Variants in ADAMTS19 observed in about 807,000 individuals in gnomAD.
ADAMTS19 encodes the protein ADAM metallopeptidase with thrombospondin type 1 motif 19.
In ADAMTS19, 93 loss-of-function variants were observed where a neutral mutation model predicts 153.3. That is an observed-to-expected ratio of 0.61 (90% CI 0.51 to 0.72). ADAMTS19 has a LOEUF of 0.72. Ranked by LOEUF, ADAMTS19 falls within the 30% of genes least tolerant of loss-of-function variation. The pLI, the probability that ADAMTS19 is intolerant of heterozygous loss-of-function variation, is 0.00. For synonymous variants in ADAMTS19, 600 were observed against 556.6 expected (o/e 1.08, Z -1.10); for missense variants, 1,482 against 1,552.1 (o/e 0.95, Z 0.76).
At chr5:129,606,619 C>T (rs1038849541) in intron 8 of ADAMTS19, among the ~76,000 whole-genome samples, 1 of 152,182 alleles carries the variant, frequency 6.6e-6, no homozygotes, top group Admixed American at 6.5e-5. Context: ...TATTGCCTTT[C>T]ACAACTTAAT....
intron 10 of ADAMTS19, among the ~76,000 whole-genome samples, chr5:129,634,890 A>AG (rs1752465044): frequency 1.4e-5 from 2 of 145,074 alleles, no homozygotes; most frequent in African/African-American, 5.4e-5. Context: ...AAGCAAAATA[A>AG]AAGAGAGAGA....
intron 8 of ADAMTS19, among the ~76,000 whole-genome samples, chr5:129,612,603 A>T (rs1447856713): frequency 6.6e-6 from 1 of 152,306 alleles, no homozygotes; most frequent in Non-Finnish European, 1.5e-5. Context: ...TGTAAAGAAC[A>T]TCGATGCTAG....
intron 21 of ADAMTS19, among the ~76,000 whole-genome samples, chr5:129,713,821 GGGGTTCT>G (rs2067334): frequency 0.29 from 43,874 of 151,584 alleles, 6,389 homozygotes; most frequent in Middle Eastern, 0.39. Context: ...CCCTGAGCTG[GGGGTTCT>G]GGCCTTGAGA....
chr5:129,632,529 TAGG>T (rs1005966626), intron 10 of ADAMTS19, among the ~76,000 whole-genome samples: 7 of 152,068 alleles, frequency 4.6e-5, no homozygotes, highest in African/African-American at 1.4e-4. Flanking sequence ...TTCCTGAAGA[TAGG>T]AGTTTTCCTT....
intron 21 of ADAMTS19, among the ~76,000 whole-genome samples, chr5:129,707,981 A>G (rs567916162): frequency 1.3e-5 from 2 of 152,222 alleles, no homozygotes; most frequent in Non-Finnish European, 2.9e-5. Context: ...CAAAGGTAGT[A>G]TTGACTAAAT....
intron 14 of ADAMTS19, among the ~76,000 whole-genome samples, chr5:129,657,332 T>G (rs376140931): frequency 5.7e-4 from 87 of 152,330 alleles, no homozygotes; most frequent in African/African-American, 2.0e-3. Context: ...GATTCTGTTT[T>G]TGTTTCAGTT....
intron 5 of ADAMTS19, 149 bp downstream of exon 5, chr5:129,527,980 T>G (rs1047612900): frequency 2.1e-6 from 1 of 477,900 alleles, no homozygotes; most frequent in Non-Finnish European, 3.8e-6. Flanking sequence ...GCCTTTAGTT[T>G]TGGTTAATGC....
intron 8 of ADAMTS19, among the ~76,000 whole-genome samples, chr5:129,607,945 G>A (rs1750985696): frequency 6.8e-6 from 1 of 146,130 alleles, no homozygotes; most frequent in Non-Finnish European, 1.5e-5. Context: ...GTGTGTGTAT[G>A]CATATATATA....
chr5:129,552,027 A>G (rs1357210784), intron 7 of ADAMTS19, 120 bp downstream of exon 7: 2 of 606,874 alleles, frequency 3.3e-6, no homozygotes, highest in African/African-American at 3.9e-5. Flanking sequence ...TGTCAGACAT[A>G]CATATTTTCT....
Position 129,732,199 on chromosome 5 carries a change from G to A in ADAMTS19, c.3313-2733G>A, listed in dbSNP as rs543143516. ...AAAGTGCACTTGATTAATAAAAGCC[G>A]TATATGACATACCCACAGCCAACAT... is the stretch of plus-strand genomic sequence containing the variant. On this transcript the variant is annotated intron_variant, in intron 21 of 22. Transcript: ENST00000274487. Among the ~76,000 whole-genome samples the A allele has an allele frequency of 1.9e-3, 296 of 152,094 alleles. 2 individuals carry two copies. The highest frequency in any genetic ancestry group is 3.4e-3 in the Non-Finnish European group (232 of 67,964).
intron 13 of ADAMTS19, among the ~76,000 whole-genome samples, chr5:129,652,225 C>T (rs1338713284): frequency 2.0e-5 from 3 of 152,140 alleles, no homozygotes; most frequent in Non-Finnish European, 2.9e-5. Context: ...GTCTATATTT[C>T]AAATAAAATA....
Position 129,476,010 on chromosome 5 carries a change from C to A in ADAMTS19, c.747+14253C>A, listed in dbSNP as rs538981480. 2.4e-3 allele frequency among the ~76,000 whole-genome samples: 364 copies of A among 152,100 alleles called. 2 individuals carry two copies. The highest frequency in any genetic ancestry group is 8.6e-3 in the African/African-American group (356 of 41,504). On this transcript the variant is annotated intron_variant, in intron 2 of 22. Coordinates refer to ENST00000274487, the MANE Select transcript of ADAMTS19 (RefSeq NM_133638.6). ...GGAAGAGATTTTATCTTAAACAATGCAAAACCGATTATTTTTTTTTCTCTG... is the reference window on the plus strand; with the variant it reads ...GGAAGAGATTTTATCTTAAACAATGAAAAACCGATTATTTTTTTTTCTCTG...
At chr5:129,622,467 G>A (rs1374685191) in intron 10 of ADAMTS19, 119 bp downstream of exon 10, 16 of 1,133,490 alleles carry the variant, frequency 1.4e-5, no homozygotes, top group African/African-American at 4.8e-5. Context: ...TATAAAAGAA[G>A]GATTTTCTAA....
chr5:129,620,798 A>ATG, intron 9 of ADAMTS19, 40 bp downstream of exon 9: 1 of 1,595,724 alleles, frequency 6.3e-7, no homozygotes. Context: ...GTGAATGATT[A>ATG]TGTGTGCTGT....
intron 7 of ADAMTS19, among the ~76,000 whole-genome samples, chr5:129,589,636 G>C (rs1282585130): frequency 6.6e-6 from 1 of 152,020 alleles, no homozygotes; most frequent in Non-Finnish European, 1.5e-5. Flanking sequence ...TTTGGATTGT[G>C]GTGGCCCAGT....
In ADAMTS19 at chr5:129,474,502, T is replaced by C. The variant is rs114740019; in HGVS notation, c.747+12745T>C. Among the ~76,000 whole-genome samples the C allele has an allele frequency of 7.4e-3, 1,133 of 152,264 alleles. 18 individuals are homozygous for C. Among genetic ancestry groups the C allele is most frequent in the African/African-American group, 0.026 (1,071 of 41,552 alleles). On this transcript the variant is annotated intron_variant, in intron 2 of 22. Coordinates refer to ENST00000274487, the MANE Select transcript of ADAMTS19 (RefSeq NM_133638.6). ...AACTTTTTTTCAAATTACTATATCATTTTATATTCCCCCCCAGTAATGTAT... is the reference window on the plus strand; with the variant it reads ...AACTTTTTTTCAAATTACTATATCACTTTATATTCCCCCCCAGTAATGTAT...
chr5:129,551,634 TC>T (rs1753122583), intron 6 of ADAMTS19, among the ~76,000 whole-genome samples: 2 of 151,732 alleles, frequency 1.3e-5, no homozygotes, highest in South Asian at 4.1e-4. Context: ...ATATTGTCCA[TC>T]ATATGGGAAC....
intron 8 of ADAMTS19, among the ~76,000 whole-genome samples, chr5:129,602,639 A>G (rs564951964): frequency 2.6e-4 from 40 of 152,296 alleles, no homozygotes; most frequent in African/African-American, 9.1e-4. Flanking sequence ...TTCATTAAGT[A>G]TATTGTAAAG....
intron 6 of ADAMTS19, among the ~76,000 whole-genome samples, chr5:129,547,590 A>G (rs748884206): frequency 5.0e-4 from 76 of 150,752 alleles, no homozygotes; most frequent in Non-Finnish European, 9.1e-4. Flanking sequence ...AAAGAAATAT[A>G]ACTTGGCATT....
Sources: allele counts gnomAD v4.1 joint callset (sites outside exome capture counted in the v4.1 genomes callset), GRCh38; gene constraint gnomAD v4.1.1; transcripts MANE v1.5; gene names NCBI Gene and HGNC (gene_info 2026-07-23, HGNC 2026-07-21).